PIN4: variants seen among roughly 807,000 people sequenced by gnomAD.
PIN4 encodes the protein peptidylprolyl cis/trans isomerase, NIMA-interacting 4, also known as peptidyl-prolyl cis-trans isomerase NIMA-interacting 4.
PIN4 carries 3 observed loss-of-function variants against 8.3 expected under a neutral mutation model. That is an observed-to-expected ratio of 0.36 (90% confidence interval 0.16 to 0.93). PIN4 has a LOEUF of 0.93. Among genes scored for constraint, PIN4 ranks in the 40% least tolerant of loss-of-function variants. PIN4 has a pLI of 0.44. For missense variants in PIN4, 75 were observed against 100.6 expected (o/e 0.75, Z 1.09); for synonymous variants, 18 against 32.5 (o/e 0.55, Z 1.52).
intron 3 of PIN4, among the ~76,000 whole-genome samples, chrX:72,219,462 G>A (rs986656162): frequency 1.3e-4 from 14 of 109,736 alleles, no homozygotes; most frequent in African/African-American, 4.7e-4. Flanking sequence ...GCAGAGGCAG[G>A]AGAATCGCTT....
chrX:72,230,883 T>G (rs1273880740), intron 3 of PIN4, among the ~76,000 whole-genome samples: 1 of 111,960 alleles, frequency 8.9e-6, no homozygotes, highest in Non-Finnish European at 1.9e-5. Flanking sequence ...GAGGACTGCT[T>G]GAGCTCAGGA....
At chrX:72,239,450 A>G (rs1465266386) in intron 3 of PIN4, among the ~76,000 whole-genome samples, 1 of 112,070 alleles carries the variant, frequency 8.9e-6, no homozygotes, top group Non-Finnish European at 1.9e-5. Context: ...ACACCCTGGG[A>G]GGCATAGTCC....
At chrX:72,256,014 C>T (rs1425121572) in intron 3 of PIN4, 3 of 112,025 alleles carry the variant, frequency 2.7e-5, no homozygotes, top group African/African-American at 9.7e-5. Flanking sequence ...AATGCAAAGG[C>T]GAAGACTCCA....
intron 3 of PIN4, among the ~76,000 whole-genome samples, chrX:72,228,687 T>C (rs1312149483): frequency 9.0e-6 from 1 of 111,574 alleles, no homozygotes; most frequent in African/African-American, 3.3e-5. Flanking sequence ...ATGGGACCTA[T>C]GGCTTCAAGG....
At position 72,207,292 on chromosome X, in the gene PIN4, A is replaced by G. The variant is rs933735259; in HGVS notation, c.312+10388A>G. The G allele has an allele frequency of 2.0e-5, 24 of 1,209,721 alleles. No homozygotes were observed. The highest frequency in any genetic ancestry group is 8.8e-5 in the Admixed American group (4 of 45,710). On this transcript the variant is annotated intron_variant, in intron 3 of 3. Transcript: ENST00000423432. ...GTGCCTATTCTTTAAGAGGCGTTCA[A>G]TGATGTTTAGAATTTGCCTCGATTG...
At chrX:72,252,396 T>A (rs555578549) in intron 3 of PIN4, among the ~76,000 whole-genome samples, 2 of 109,259 alleles carry the variant, frequency 1.8e-5, no homozygotes, top group South Asian at 8.1e-4. Context: ...CTTTTCTTTT[T>A]TTTTTGAGAC....
At chrX:72,184,836 C>T (rs1267337709) in intron 1 of PIN4, among the ~76,000 whole-genome samples, 2 of 110,920 alleles carry the variant, frequency 1.8e-5, no homozygotes, top group African/African-American at 6.6e-5. Flanking sequence ...AAGATGGAGA[C>T]TCTTGCTTAA....
rs201111458 is a variant in PIN4, at chrX:72,189,729, C to T, written c.117+3195C>T. ...CTGGTAAGTTTAATGCAAATATTCC[C>T]AAATCCGAAACACTCTGGTCCCAAG... is the stretch of plus-strand genomic sequence containing the variant. On this transcript the variant is annotated intron_variant, in intron 2 of 3. Coordinates refer to ENST00000373669, the MANE Select transcript of PIN4 (RefSeq NM_006223.4). Among the ~76,000 whole-genome samples, 4 of 111,550 alleles carry T rather than the reference C, an allele frequency of 3.6e-5. No individual in the cohort carries two copies. In the East Asian group the frequency reaches 8.4e-4, roughly 24 times the overall value.
chrX:72,222,167 C>T (rs1048406013), intron 3 of PIN4, among the ~76,000 whole-genome samples: 2 of 111,600 alleles, frequency 1.8e-5, no homozygotes, highest in African/African-American at 6.5e-5. Context: ...AGGCATTGCT[C>T]GTATTCACAT....
Position 72,257,103 on chromosome X carries a change from G to A in PIN4, c.313-5604G>A, listed in dbSNP as rs1377126802. Among the ~76,000 whole-genome samples the A allele has an allele frequency of 2.7e-5, 3 of 111,579 alleles. No homozygotes were observed. In the South Asian group the frequency reaches 1.1e-3, roughly 42 times the overall value. ...TGGGAGGCCGAGGTGGGTGGATCACGAGGTCAGGAGATCGAGACCATCCTG... is the reference window on the plus strand; with the variant it reads ...TGGGAGGCCGAGGTGGGTGGATCACAAGGTCAGGAGATCGAGACCATCCTG... On this transcript the variant is annotated intron_variant, in intron 3 of 3. Coordinates refer to the PIN4 transcript ENST00000423432.
intron 1 of PIN4, among the ~76,000 whole-genome samples, chrX:72,182,331 A>G (rs777172648): frequency 1.9e-3 from 216 of 111,402 alleles, no homozygotes; most frequent in African/African-American, 6.9e-3. Context: ...TCACGAGGTC[A>G]GGAGTTCGAG....
intron 3 of PIN4, among the ~76,000 whole-genome samples, chrX:72,212,747 C>A (rs1488090608): frequency 1.8e-5 from 2 of 111,732 alleles, no homozygotes; most frequent in Non-Finnish European, 3.8e-5. Flanking sequence ...TTGAGACTAG[C>A]CTGGGCAACA....
chrX:72,222,789 G>A (rs1185180101), intron 3 of PIN4, among the ~76,000 whole-genome samples: 3 of 107,144 alleles, frequency 2.8e-5, no homozygotes, highest in Non-Finnish European at 5.8e-5. Flanking sequence ...GTAGAGACAG[G>A]GTTTCATCAT....
intron 2 of PIN4, among the ~76,000 whole-genome samples, chrX:72,191,991 G>A (rs1163704873): frequency 9.1e-6 from 1 of 109,739 alleles, no homozygotes; most frequent in Non-Finnish European, 1.9e-5. Context: ...CACTCTTGTT[G>A]CCCAGGCTGG....
intron 3 of PIN4, among the ~76,000 whole-genome samples, chrX:72,228,420 A>G (rs2042965584): frequency 8.9e-6 from 1 of 111,945 alleles, no homozygotes; most frequent in Non-Finnish European, 1.9e-5. Flanking sequence ...ACTTCTCTCA[A>G]GAAAACAGAC....
intron 3 of PIN4, among the ~76,000 whole-genome samples, chrX:72,256,469 G>A (rs1264788527): frequency 9.0e-6 from 1 of 111,500 alleles, no homozygotes; most frequent in Non-Finnish European, 1.9e-5. Flanking sequence ...TCCTTACTCA[G>A]CCTTTTATTG....
chrX:72,248,649 G>A (rs900673022), intron 3 of PIN4, among the ~76,000 whole-genome samples: 3 of 112,168 alleles, frequency 2.7e-5, no homozygotes, highest in Non-Finnish European at 5.6e-5. Flanking sequence ...AGGCCAAGGC[G>A]GTGGATCACC....
intron 3 of PIN4, among the ~76,000 whole-genome samples, chrX:72,222,060 A>T (rs948522135): frequency 3.7e-5 from 4 of 108,041 alleles, no homozygotes; most frequent in Non-Finnish European, 7.7e-5. Context: ...CCAGCCCCAA[A>T]CCCCACTCCT....
chrX:72,242,115 C>T (rs1363635987), intron 3 of PIN4, among the ~76,000 whole-genome samples: 2 of 111,416 alleles, frequency 1.8e-5, no homozygotes, highest in African/African-American at 6.5e-5. Flanking sequence ...CAAAGCAGGC[C>T]CCTGGTGGTT....
Sources: gnomAD v4.1 joint callset for allele counts (sites outside exome capture counted in the v4.1 genomes callset) on GRCh38, gnomAD v4.1.1 for gene constraint, MANE v1.5 for transcripts, NCBI Gene and HGNC (gene_info 2026-07-23, HGNC 2026-07-21) for gene names.